The following CDK5RAP3 variants were observed in gnomAD, a reference collection of about 807,000 sequenced individuals.
The protein encoded by CDK5RAP3 is CDK5 regulatory subunit associated protein 3.
Under a neutral mutation model 73.3 loss-of-function variants are expected in CDK5RAP3, and 58 were observed. That is an observed-to-expected ratio of 0.79 (90% confidence interval 0.64 to 0.98). The LOEUF (loss-of-function observed/expected upper bound fraction) is 0.98. CDK5RAP3 is among the 50% of genes least tolerant of loss of function. The pLI, the probability that CDK5RAP3 is intolerant of heterozygous loss-of-function variation, is 0.00. For missense variants in CDK5RAP3, 525 were observed against 615.8 expected, an observed-to-expected ratio of 0.85 and a Z score of 1.56; for synonymous variants, 224 against 247.5, an observed-to-expected ratio of 0.91 and a Z score of 0.89.
At chr17:47,976,666 T>G (rs1369166458) in intron 8 of CDK5RAP3, 46 bp from the exon 9 acceptor site, 1 of 1,389,916 alleles carries the variant, frequency 7.2e-7, no homozygotes, top group Non-Finnish European at 1.0e-6. Flanking sequence ...GCCCGGCCCT[T>G]TTTAAATCCA....
At chr17:47,969,314 T>C (rs544235631), upstream of CDK5RAP3, among the ~76,000 whole-genome samples, 30 of 151,750 alleles carry the variant, frequency 2.0e-4, no homozygotes, top group African/African-American at 5.3e-4. Flanking sequence ...CCCAGCACTT[T>C]AGGAGGCTGA....
intron 2 of CDK5RAP3, among the ~76,000 whole-genome samples, chr17:47,971,975 A>G (rs911350996): frequency 2.6e-5 from 4 of 152,150 alleles, no homozygotes; most frequent in African/African-American, 9.7e-5. Context: ...AGCCTGGGCA[A>G]CGAGAGCGAA....
At chr17:47,973,495 C>G (rs371929892) in intron 2 of CDK5RAP3, 24 bp from the exon 3 acceptor site, 31 of 1,608,534 alleles carry the variant, frequency 1.9e-5, no homozygotes, top group African/African-American at 2.7e-5. Flanking sequence ...TGGGAATGCT[C>G]TAATTTGGGT....
chr17:47,973,206 A>G (rs1298999179), intron 2 of CDK5RAP3, among the ~76,000 whole-genome samples: 2 of 152,158 alleles, frequency 1.3e-5, no homozygotes, highest in Non-Finnish European at 2.9e-5. Context: ...TTACCCATAG[A>G]AGCAAAAATA....
Position 47,971,120 on chromosome 17 carries a change from C to G in CDK5RAP3, c.-27C>G, listed in dbSNP as rs2036249039. 1 of 1,551,916 alleles carries G rather than the reference C, an allele frequency of 6.4e-7. No homozygotes were observed. The highest frequency in any genetic ancestry group is 8.7e-7 in the Non-Finnish European group (1 of 1,147,134). On this transcript the variant is annotated 5_prime_UTR_variant, in exon 1 of 14. Coordinates refer to ENST00000338399, the MANE Select transcript of CDK5RAP3 (RefSeq NM_176096.3). ...GGTAGGGCGGGGCGGGCCACAGTCT[C>G]CAGCCTGAAGCGGAAGTGGAGGAAA...
Position 47,980,790 on chromosome 17 carries a change from C to T in CDK5RAP3, c.1275C>T (p.Ala425=). The T allele has an allele frequency of 6.2e-7, 1 of 1,614,190 alleles. No individual in the cohort carries two copies. Among genetic ancestry groups the T allele is most frequent in the Non-Finnish European group, 8.5e-7 (1 of 1,180,004 alleles). The part of the protein sequence containing the change: ...LQLQHLFMIL[A]SPRYVDRVTE... ...TGCAACACCTGTTTATGATCCTGGC[C>T]TCACCAAGGTCTGGCTTCCCCTTGA... is the stretch of plus-strand genomic sequence containing the variant. The change falls in exon 12 of 14, where the codon GCC becomes GCT. Residue 425 remains alanine (A), a synonymous_variant. Coordinates refer to ENST00000338399, the MANE Select transcript of CDK5RAP3 (RefSeq NM_176096.3).
intron 3 of CDK5RAP3, 82 bp from the exon 4 acceptor site, chr17:47,973,849 A>G (rs989705591): frequency 2.4e-6 from 3 of 1,235,698 alleles, no homozygotes; most frequent in African/African-American, 1.5e-5. Context: ...GCAGTATATT[A>G]TACATGAATC....
At chr17:47,971,586 A>G (rs1349651576) in intron 2 of CDK5RAP3, among the ~76,000 whole-genome samples, 179 bp downstream of exon 2, 5 of 152,226 alleles carry the variant, frequency 3.3e-5, no homozygotes, top group Admixed American at 1.3e-4. Context: ...GGAACGAACC[A>G]TATGTACAGT....
chr17:47,971,333 GC>G (rs778740801), intron 1 of CDK5RAP3, 28 bp from the exon 2 acceptor site: 3 of 1,605,206 alleles, frequency 1.9e-6, no homozygotes, highest in Non-Finnish European at 1.7e-6. Context: ...CCGCGCTCAC[GC>G]CCCCCTCCTC....
intron 10 of CDK5RAP3, 75 bp from the exon 11 acceptor site, chr17:47,978,754 G>A (rs12939977): frequency 2.8e-5 from 31 of 1,115,446 alleles, no homozygotes; most frequent in African/African-American, 1.5e-5. Flanking sequence ...AATCCTCCAG[G>A]GCTTCTCACA....
intron 5 of CDK5RAP3, chr17:47,974,649 C>T (rs2036352527): frequency 1.4e-6 from 2 of 1,402,724 alleles, no homozygotes; most frequent in Non-Finnish European, 1.9e-6. Flanking sequence ...AGGAGGAGGT[C>T]CAGGCCGGTA....
At chr17:47,973,740 G>T in intron 3 of CDK5RAP3, 90 bp downstream of exon 3, 1 of 1,548,160 alleles carries the variant, frequency 6.5e-7, no homozygotes, top group Non-Finnish European at 8.8e-7. Flanking sequence ...AGCCACCAGG[G>T]CTGGCCTTTA....
intron 11 of CDK5RAP3, 79 bp downstream of exon 11, chr17:47,978,996 C>G: frequency 9.5e-7 from 1 of 1,049,004 alleles, no homozygotes; most frequent in South Asian, 1.3e-5. Flanking sequence ...CTGACCTGAC[C>G]CCTCCTGTTT....
chr17:47,971,515 C>G (rs983851653), intron 2 of CDK5RAP3, 108 bp downstream of exon 2: 4 of 1,090,368 alleles, frequency 3.7e-6, no homozygotes, highest in Non-Finnish European at 3.9e-6. Flanking sequence ...AGTCGAGATG[C>G]TGACCACTGG....
At position 47,980,793 on chromosome 17, in the gene CDK5RAP3, A is replaced by G; in HGVS notation, c.1278A>G (p.Ser426=). Residue 426 remains serine (S), a synonymous_variant, in exon 12 of 14, where the codon TCA becomes TCG. Transcript: ENST00000338399. ...AACACCTGTTTATGATCCTGGCCTCACCAAGGTCTGGCTTCCCCTTGATGC... is the reference window on the plus strand; with the variant it reads ...AACACCTGTTTATGATCCTGGCCTCGCCAAGGTCTGGCTTCCCCTTGATGC... ...QLQHLFMILA[S]PRYVDRVTEF... is the part of the protein sequence containing the mutation. The G allele has an allele frequency of 1.2e-6, 2 of 1,614,122 alleles. No homozygotes were observed. Among genetic ancestry groups the G allele is most frequent in the Non-Finnish European group, 1.7e-6 (2 of 1,179,998 alleles).
upstream of CDK5RAP3, among the ~76,000 whole-genome samples, chr17:47,969,985 C>T (rs950022206): frequency 6.6e-6 from 1 of 152,198 alleles, no homozygotes; most frequent in African/African-American, 2.4e-5. Context: ...AAGTCCTATA[C>T]ATTTTCCTCC....
At position 47,973,581 on chromosome 17, in the gene CDK5RAP3, G is replaced by A. The variant is rs375883724; in HGVS notation, c.115G>A (p.Glu39Lys). The change falls in exon 3 of 14, where the codon GAG becomes AAG. Residue 39 changes from glutamate to lysine, a missense_variant. By Grantham distance (56) the Glu-to-Lys change is moderately conservative. Transcript: ENST00000338399. ...GCAGAGTCTGGTGCTGACGATCCGC[G>A]AGAAGATCAATGCTGCCATCCAGGA... is the stretch of plus-strand genomic sequence containing the variant. Reference protein sequence around the residue: ...KWQSLVLTIREKINAAIQDMP... With the variant: ...KWQSLVLTIRKKINAAIQDMP... 1.2e-5 allele frequency: 20 copies of A among 1,614,042 alleles called. No homozygotes were observed. The highest frequency in any genetic ancestry group is 2.2e-5 in the East Asian group (1 of 44,896).
At chr17:47,975,459 G>A (rs987463916) in intron 6 of CDK5RAP3, 55 bp from the exon 7 acceptor site, 40 of 1,609,056 alleles carry the variant, frequency 2.5e-5, no homozygotes, top group East Asian at 4.5e-5. Flanking sequence ...ACTTTTCTTC[G>A]GTCTTTGGAT....
rs2036533856 is a variant in CDK5RAP3 at position 47,980,759 on chromosome 17, T to C, written c.1244T>C (p.Leu415Pro). 1 of 1,614,066 alleles carries C rather than the reference T, an allele frequency of 6.2e-7. No homozygotes were observed. The highest frequency in any genetic ancestry group is 8.5e-7 in the Non-Finnish European group (1 of 1,180,046). The change falls in exon 12 of 14, where the codon CTT (leucine) becomes CCT (proline). Residue 415 changes from leucine (L) to proline (P), a missense_variant. Physicochemically the swap from Leu to Pro is moderately conservative, Grantham distance 98. Coordinates refer to ENST00000338399, the MANE Select transcript of CDK5RAP3 (RefSeq NM_176096.3). ...GATCTGATTGGCAAGCTTACCAGTC[T>C]TCAGCTGCAACACCTGTTTATGATC... The part of the protein sequence containing the change: ...LEDLIGKLTS[L>P]QLQHLFMILA...
Sources: allele counts gnomAD v4.1 joint callset (sites outside exome capture counted in the v4.1 genomes callset), GRCh38; gene constraint gnomAD v4.1.1; transcripts MANE v1.5; gene names NCBI Gene and HGNC (gene_info 2026-07-23, HGNC 2026-07-21).